PTPN4: variants seen among roughly 807,000 people sequenced by gnomAD.
PTPN4 encodes protein tyrosine phosphatase non-receptor type 4, also known as tyrosine-protein phosphatase non-receptor type 4.
PTPN4 carries 49 observed loss-of-function variants against 135.5 expected under a neutral mutation model. That is an observed-to-expected ratio of 0.36 (90% CI 0.29 to 0.46). The LOEUF (loss-of-function observed/expected upper bound fraction) is 0.46, where lower values mean the gene tolerates loss of function less well. Among genes scored for constraint, PTPN4 ranks in the 20% least tolerant of loss-of-function variants. The pLI, the probability that PTPN4 is intolerant of heterozygous loss-of-function variation, is 1.00. For missense variants in PTPN4, 860 were observed against 1,101.0 expected (o/e 0.78, Z 3.10); for synonymous variants, 333 against 369.9 (o/e 0.90, Z 1.14).
chr2:119,959,064 T>C (rs894280221), intron 22 of PTPN4, among the ~76,000 whole-genome samples: 8 of 152,152 alleles, frequency 5.3e-5, no homozygotes, highest in African/African-American at 1.9e-4. Context: ...CACCTGGAAA[T>C]GTGCATGTCT....
intron 1 of PTPN4, among the ~76,000 whole-genome samples, chr2:119,808,772 A>G (rs1245060504): frequency 6.6e-6 from 1 of 152,282 alleles, no homozygotes; most frequent in East Asian, 1.9e-4. Flanking sequence ...CCTTGTCAAC[A>G]TAGTAAGACT....
chr2:119,860,664 T>C (rs2104986613), intron 2 of PTPN4, among the ~76,000 whole-genome samples: 1 of 152,326 alleles, frequency 6.6e-6, no homozygotes, highest in Admixed American at 6.5e-5. Flanking sequence ...GAAAAACTAG[T>C]GGTAAAATAT....
At chr2:119,895,916 CA>C (rs534245263) in intron 9 of PTPN4, among the ~76,000 whole-genome samples, 152 of 110,994 alleles carry the variant, frequency 1.4e-3, no homozygotes, top group South Asian at 1.4e-3. Flanking sequence ...GACTCTGTCT[CA>C]AAAAAAAAAA....
At chr2:119,926,040 T>A (rs756936438) in intron 12 of PTPN4, among the ~76,000 whole-genome samples, 16 of 152,212 alleles carry the variant, frequency 1.1e-4, no homozygotes, top group Non-Finnish European at 2.2e-4. Context: ...GTCTTAAAAT[T>A]GCTTGCTTAA....
At chr2:119,823,995 CT>C (rs563832777) in intron 2 of PTPN4, among the ~76,000 whole-genome samples, 115 of 152,316 alleles carry the variant, frequency 7.6e-4, no homozygotes, top group African/African-American at 2.7e-3. Flanking sequence ...GATATGTTGT[CT>C]TTTCATATTC....
chr2:119,806,570 C>A (rs1027412975), intron 1 of PTPN4, among the ~76,000 whole-genome samples: 2 of 152,200 alleles, frequency 1.3e-5, no homozygotes, highest in African/African-American at 4.8e-5. Flanking sequence ...CACCGAGATT[C>A]ATAAAACAAG....
intron 1 of PTPN4, among the ~76,000 whole-genome samples, chr2:119,808,683 G>A (rs531714350): frequency 6.6e-6 from 1 of 152,102 alleles, no homozygotes; most frequent in East Asian, 1.9e-4. Flanking sequence ...CTCCCAAATC[G>A]TTGGGATTAC....
intron 1 of PTPN4, among the ~76,000 whole-genome samples, chr2:119,797,704 A>G (rs1407397244): frequency 6.6e-6 from 1 of 152,240 alleles, no homozygotes; most frequent in Non-Finnish European, 1.5e-5. Flanking sequence ...GGCAATAGAA[A>G]AAATAAACTA....
intron 2 of PTPN4, among the ~76,000 whole-genome samples, chr2:119,825,394 G>A (rs2104959161): frequency 6.6e-6 from 1 of 152,106 alleles, no homozygotes; most frequent in South Asian, 2.1e-4. Context: ...ATGTGGTGGG[G>A]CAGTTACCTC....
At chr2:119,878,501 T>A (rs992479058) in intron 5 of PTPN4, among the ~76,000 whole-genome samples, 17 of 152,154 alleles carry the variant, frequency 1.1e-4, no homozygotes, top group African/African-American at 3.9e-4. Context: ...AATTTTAATG[T>A]ATTGGTTATC....
intron 5 of PTPN4, among the ~76,000 whole-genome samples, chr2:119,877,909 G>A (rs546584474): frequency 4.6e-5 from 7 of 151,824 alleles, no homozygotes; most frequent in African/African-American, 1.7e-4. Context: ...TTTTTCCCAT[G>A]TGAAAGCATA....
chr2:119,923,920 G>A (rs542620429), intron 12 of PTPN4, among the ~76,000 whole-genome samples: 22 of 152,106 alleles, frequency 1.4e-4, no homozygotes, highest in Non-Finnish European at 2.1e-4. Context: ...GGCGGATCAC[G>A]AGGTCAGCAG....
chr2:119,956,673 G>T (rs1679291875), intron 20 of PTPN4, among the ~76,000 whole-genome samples, 171 bp from the exon 21 acceptor site: 1 of 152,144 alleles, frequency 6.6e-6, no homozygotes. Flanking sequence ...GAAGAATTCA[G>T]CTTTGCAAAT....
rs117837242 is a variant in PTPN4, at chr2:119,829,091, A to G, written c.138+19100A>G. 7.8e-3 allele frequency among the ~76,000 whole-genome samples: 1,183 copies of G among 152,182 alleles called. 27 individuals are homozygous for G. Among genetic ancestry groups the G allele is most frequent in the East Asian group, 0.065 (339 of 5,178 alleles). Reference sequence around the variant, plus strand: ...TATTTGTTGACCATTTAGGTTTCCAATTCTTATCTCACTCTTTCTGTGGTT... The same window carrying G: ...TATTTGTTGACCATTTAGGTTTCCAGTTCTTATCTCACTCTTTCTGTGGTT... On this transcript the variant is annotated intron_variant, in intron 2 of 26. Transcript: ENST00000263708.
chr2:119,789,812 T>A (rs1046543111), intron 1 of PTPN4, among the ~76,000 whole-genome samples: 6 of 151,478 alleles, frequency 4.0e-5, no homozygotes, highest in Non-Finnish European at 7.4e-5. Context: ...AACCTCTGCC[T>A]CCCAGGTTCA....
chr2:119,970,466 C>G (rs1321895500), intron 26 of PTPN4, among the ~76,000 whole-genome samples: 1 of 152,160 alleles, frequency 6.6e-6, no homozygotes, highest in Non-Finnish European at 1.5e-5. Context: ...CTAACCTCCC[C>G]CAACCCCCAA....
rs543951712 is a variant in PTPN4, at chr2:119,975,720, G to A, written c.2695-1264G>A. ...AGCCTGGGTGACAGAGTGAGACTCC[G>A]TCTAAAAAAAAATGTCCCTTCAAAT... On this transcript the variant is annotated intron_variant, in intron 26 of 26. Transcript: ENST00000263708. 9.2e-5 allele frequency among the ~76,000 whole-genome samples: 14 copies of A among 151,842 alleles called. No individual in the cohort carries two copies. In the East Asian group the frequency reaches 1.7e-3, roughly 19 times the overall value.
chr2:119,955,944 TAATA>T (rs200278968), intron 20 of PTPN4, among the ~76,000 whole-genome samples: 11,504 of 148,706 alleles, frequency 0.077, 783 homozygotes, highest in African/African-American at 0.19. Flanking sequence ...CTCAAAAAAA[TAATA>T]AATAAATAAA....
At chr2:119,884,030 C>T (rs1205569100) in intron 8 of PTPN4, among the ~76,000 whole-genome samples, 2 of 152,164 alleles carry the variant, frequency 1.3e-5, no homozygotes, top group Non-Finnish European at 2.9e-5. Flanking sequence ...CTCCCGGTAG[C>T]CAGGACTACA....
Sources: gnomAD v4.1 joint callset for allele counts (sites outside exome capture counted in the v4.1 genomes callset) on GRCh38, gnomAD v4.1.1 for gene constraint, MANE v1.5 for transcripts, NCBI Gene and HGNC (gene_info 2026-07-23, HGNC 2026-07-21) for gene names.